Variants in USO1 observed in about 807,000 individuals in gnomAD.
The protein encoded by USO1 is general vesicular transport factor p115.
A neutral mutation model predicts 124.5 loss-of-function variants in USO1; 57 were observed. The ratio of observed to expected loss-of-function variants is 0.46; its 90% CI spans 0.37 to 0.57. The LOEUF (loss-of-function observed/expected upper bound fraction) is 0.57, where lower values mean the gene tolerates loss of function less well. USO1 is among the 20% of genes least tolerant of loss of function. The probability of loss-of-function intolerance (pLI) is 0.00; values close to 1 mark genes in which losing one functional copy is unlikely to be tolerated. For missense variants in USO1, 900 were observed against 1,040.6 expected (o/e 0.86, Z 1.86); for synonymous variants, 369 against 362.8 (o/e 1.02, Z -0.19).
intron 4 of USO1, among the ~76,000 whole-genome samples, chr4:75,764,705 T>G (rs1028252214): frequency 7.2e-5 from 11 of 152,210 alleles, no homozygotes; most frequent in Admixed American, 6.6e-5. Context: ...TCTCATGAGG[T>G]CACAAACTTT....
intron 4 of USO1, among the ~76,000 whole-genome samples, chr4:75,760,959 C>G (rs761318312): frequency 2.6e-5 from 4 of 152,124 alleles, no homozygotes; most frequent in Non-Finnish European, 4.4e-5. Context: ...CCAGCCTAGC[C>G]AGCGTGGTGA....
At chr4:75,777,801 CAT>C (rs1349860432) in intron 8 of USO1, among the ~76,000 whole-genome samples, 3 of 152,178 alleles carry the variant, frequency 2.0e-5, no homozygotes, top group African/African-American at 7.2e-5. Context: ...CAAAGCTAAA[CAT>C]AGTCTTATGA....
At chr4:75,756,898 A>G (rs964961185) in intron 3 of USO1, among the ~76,000 whole-genome samples, 1 of 151,992 alleles carries the variant, frequency 6.6e-6, no homozygotes, top group Non-Finnish European at 1.5e-5. Flanking sequence ...ACTTTTCTTT[A>G]TATTTTTAAG....
At position 75,773,116 on chromosome 4, in the gene USO1, A is replaced by G. The variant is rs933383158; in HGVS notation, c.556-1560A>G. On this transcript the variant is annotated intron_variant, in intron 7 of 23. Coordinates refer to ENST00000514213, the MANE Select transcript of USO1 (RefSeq NM_003715.4). The stretch of plus-strand genomic sequence containing the variant: ...TCTGTCTCAAAAAAAAATAATAATA[A>G]TAACTGCATTAATTCTGGAATCTCC... 1.1e-4 allele frequency among the ~76,000 whole-genome samples: 17 copies of G among 152,172 alleles called. No homozygotes were observed. In the South Asian group the frequency reaches 2.1e-3, roughly 19 times the overall value.
In USO1 at chr4:75,806,512, T is replaced by C; in HGVS notation, c.2316T>C (p.Asn772=). The C allele has an allele frequency of 6.4e-7, 1 of 1,561,600 alleles. No individual in the cohort carries two copies. The highest frequency in any genetic ancestry group is 8.7e-7 in the Non-Finnish European group (1 of 1,151,666). Residue 772 remains asparagine, a synonymous_variant, in exon 20 of 24, where the codon AAT becomes AAC. Transcript: ENST00000514213. ...AATCTTCCCAAACATCTGGCACAAA[T>C]GAACAGTCTTCAGCAATAGTTTCAG... is the stretch of plus-strand genomic sequence containing the variant. ...NMKSSQTSGT[N]EQSSAIVSAR...
chr4:75,741,848 G>A (rs957216664), intron 1 of USO1, among the ~76,000 whole-genome samples: 6 of 151,998 alleles, frequency 3.9e-5, no homozygotes, highest in African/African-American at 2.4e-5. Flanking sequence ...AGGTGATTCG[G>A]CCTCCCAAAG....
At chr4:75,772,696 A>G (rs324711) in intron 7 of USO1, among the ~76,000 whole-genome samples, 137,463 of 152,256 alleles carry the variant, frequency 0.9, 62,211 homozygotes, top group African/African-American at 0.97. Context: ...ATGTCCTGCA[A>G]TTTAAATAAG....
intron 1 of USO1, among the ~76,000 whole-genome samples, chr4:75,747,690 A>G (rs1295245540): frequency 6.9e-6 from 1 of 145,546 alleles, no homozygotes; most frequent in Non-Finnish European, 1.5e-5. Flanking sequence ...GCTCACTGCA[A>G]GCTCCGCCTC....
At chr4:75,786,974 G>A (rs1722379263) in intron 9 of USO1, 88 bp from the exon 10 acceptor site, 1 of 1,397,672 alleles carries the variant, frequency 7.2e-7, no homozygotes, top group Admixed American at 3.4e-5. Context: ...AGTACTTCAT[G>A]CAGACTTTCT....
At chr4:75,730,894 C>T (rs1366912233) in intron 1 of USO1, among the ~76,000 whole-genome samples, 3 of 152,072 alleles carry the variant, frequency 2.0e-5, no homozygotes, top group Non-Finnish European at 2.9e-5. Flanking sequence ...AACAATCCTC[C>T]TGTCAGCTTC....
At chr4:75,802,177 A>G (rs1422292492) in intron 17 of USO1, among the ~76,000 whole-genome samples, 2 of 152,266 alleles carry the variant, frequency 1.3e-5, no homozygotes, top group African/African-American at 2.4e-5. Flanking sequence ...TTTAGCATTC[A>G]TTCTAAGCTT....
At chr4:75,783,979 AC>A (rs1303356050) in intron 9 of USO1, among the ~76,000 whole-genome samples, 1 of 152,308 alleles carries the variant, frequency 6.6e-6, no homozygotes, top group East Asian at 1.9e-4. Context: ...AAACAGTGTC[AC>A]CAAGTGGTAA....
intron 7 of USO1, among the ~76,000 whole-genome samples, chr4:75,773,555 G>T (rs76087774): frequency 7.2e-5 from 11 of 151,886 alleles, no homozygotes; most frequent in Admixed American, 7.2e-4. Flanking sequence ...AGTTTTTGGG[G>T]AACAGTTTTT....
intron 1 of USO1, among the ~76,000 whole-genome samples, chr4:75,728,164 G>T (rs1720518600): frequency 6.6e-6 from 1 of 151,736 alleles, no homozygotes; most frequent in Non-Finnish European, 1.5e-5. Context: ...ATTGTGTCAA[G>T]CTTTTTACTT....
In USO1 at chr4:75,738,998, G is replaced by A. The variant is rs12186211; in HGVS notation, c.67-13375G>A. 6.3e-3 allele frequency among the ~76,000 whole-genome samples: 951 copies of A among 151,736 alleles called. 5 individuals carry two copies. The highest frequency in any genetic ancestry group is 0.01 in the Non-Finnish European group (705 of 67,966). ...CTCCCGAGTAGCTGGGATTACAGGT[G>A]CCCGCCACCATGCCCAGCTAATTTT... On this transcript the variant is annotated intron_variant, in intron 1 of 23. Transcript: ENST00000514213.
At chr4:75,802,303 G>A (rs1722872819) in intron 17 of USO1, among the ~76,000 whole-genome samples, 1 of 152,092 alleles carries the variant, frequency 6.6e-6, no homozygotes, top group South Asian at 2.1e-4. Context: ...CAAAGATGGA[G>A]CCATTTCCAG....
chr4:75,779,905 C>T (rs1722171321), intron 8 of USO1, among the ~76,000 whole-genome samples: 1 of 152,228 alleles, frequency 6.6e-6, no homozygotes, highest in African/African-American at 2.4e-5. Context: ...AAGTCACCCC[C>T]TGGCTTCAGA....
Position 75,793,699 on chromosome 4 carries a change from A to G in USO1, c.1250A>G (p.Asn417Ser). Reference sequence around the variant, plus strand: ...CCTGCCATCTTTGTAGCAACAGGTAATTCAGTTTCAGCTGGCCAGTTATTA... The same window carrying G: ...CCTGCCATCTTTGTAGCAACAGGTAGTTCAGTTTCAGCTGGCCAGTTATTA... ...LLPSTIDATG[N>S]SVSAGQLLCG... is the part of the protein sequence containing the mutation. The change falls in exon 13 of 24, where the codon AAT (asparagine) becomes AGT (serine). Residue 417 changes from asparagine to serine, a missense_variant. By Grantham distance (46) the Asn-to-Ser change is conservative. Transcript: ENST00000514213. 1 of 1,605,608 alleles carries G rather than the reference A, an allele frequency of 6.2e-7. No individual in the cohort carries two copies. The highest frequency in any genetic ancestry group is 8.5e-7 in the Non-Finnish European group (1 of 1,175,450).
intron 1 of USO1, among the ~76,000 whole-genome samples, chr4:75,749,893 A>C (rs1426407922): frequency 6.6e-6 from 1 of 151,742 alleles, no homozygotes; most frequent in Non-Finnish European, 1.5e-5. Flanking sequence ...CTGGGACTAC[A>C]GGCACCCGTC....
Sources: allele counts gnomAD v4.1 joint callset (sites outside exome capture counted in the v4.1 genomes callset), GRCh38; gene constraint gnomAD v4.1.1; transcripts MANE v1.5; gene names NCBI Gene and HGNC (gene_info 2026-07-23, HGNC 2026-07-21).